Variants in HMGXB3 observed in about 807,000 individuals in gnomAD.
HMGXB3 encodes HMG-box containing 3.
In HMGXB3, 45 loss-of-function variants were observed where a neutral mutation model predicts 121.5. The ratio of observed to expected loss-of-function variants is 0.37; its 90% CI spans 0.29 to 0.47. The LOEUF (loss-of-function observed/expected upper bound fraction) is 0.47, where lower values mean the gene tolerates loss of function less well. Among genes scored for constraint, HMGXB3 ranks in the 20% least tolerant of loss-of-function variants. The pLI is 0.99. For synonymous variants in HMGXB3, 590 were observed against 624.1 expected, an observed-to-expected ratio of 0.95 and a Z score of 0.81; for missense variants, 1,376 against 1,602.2, an observed-to-expected ratio of 0.86 and a Z score of 2.41.
intron 10 of HMGXB3, 137 bp downstream of exon 10, chr5:150,030,976 G>A: frequency 1.6e-6 from 1 of 616,170 alleles, no homozygotes; most frequent in Non-Finnish European, 2.9e-6. Flanking sequence ...TGTTAATGAT[G>A]AAGATCCCAT....
At chr5:150,035,687 C>G (rs985216771) in intron 11 of HMGXB3, among the ~76,000 whole-genome samples, 1 of 152,002 alleles carries the variant, frequency 6.6e-6, no homozygotes, top group African/African-American at 2.4e-5. Context: ...TCAAGGGGTG[C>G]ACTCAGAGAA....
At chr5:150,028,495 ATATGTATGTATGTG>A (rs1389172257) in intron 9 of HMGXB3, among the ~76,000 whole-genome samples, 1 of 88,190 alleles carries the variant, frequency 1.1e-5, no homozygotes, top group African/African-American at 6.4e-5. Context: ...ATATGTATAT[ATATGTATGTATGTG>A]TGTGTGTGTG....
intron 3 of HMGXB3, among the ~76,000 whole-genome samples, chr5:150,007,049 A>G (rs1755720470): frequency 6.6e-6 from 1 of 152,236 alleles, no homozygotes; most frequent in Admixed American, 6.5e-5. Flanking sequence ...AACTGCTATC[A>G]GTTATAATCA....
intron 5 of HMGXB3, 96 bp from the exon 6 acceptor site, chr5:150,018,470 C>T: frequency 9.6e-7 from 1 of 1,045,844 alleles, no homozygotes; most frequent in Non-Finnish European, 1.3e-6. Context: ...GGTTATCTTT[C>T]CACAAGCTTG....
At chr5:150,047,905 G>T in intron 17 of HMGXB3, 148 bp downstream of exon 17, 1 of 823,110 alleles carries the variant, frequency 1.2e-6, no homozygotes, top group South Asian at 1.7e-5. Flanking sequence ...ATGGTCAACA[G>T]CTAGATGTGA....
At chr5:150,047,498 C>T in intron 16 of HMGXB3, 126 bp from the exon 17 acceptor site, 1 of 1,132,144 alleles carries the variant, frequency 8.8e-7, no homozygotes, top group Admixed American at 2.6e-5. Flanking sequence ...TGAGTTCCAC[C>T]TCTGCCAGCA....
intron 16 of HMGXB3, 31 bp downstream of exon 16, chr5:150,045,716 A>G: frequency 6.6e-7 from 1 of 1,511,692 alleles, no homozygotes; most frequent in Non-Finnish European, 9.0e-7. Flanking sequence ...ACTGGGGTCA[A>G]AAAAGGGCTC....
Position 150,052,364 on chromosome 5 carries a change from C to G in HMGXB3, c.*172C>G, listed in dbSNP as rs1756940482. ...TGAGCATGGTGGGACCCAGGGTCCT[C>G]AGTTCTCAACCCTCCAGGGGTCAGG... is the stretch of plus-strand genomic sequence containing the variant. On this transcript the variant is annotated 3_prime_UTR_variant, in exon 20 of 20. Transcript: ENST00000502717. 1.6e-6 allele frequency: 1 copy of G among 613,644 alleles called. No homozygotes were observed. The allele number at this position is 613,644 out of a possible 1,614,324, so 38.0% of individuals were successfully genotyped here. A position where few individuals can be genotyped will look rare whatever the true frequency, so the allele number is the denominator to read the frequency against.
chr5:150,032,235 T>C (rs1756397117), intron 10 of HMGXB3, among the ~76,000 whole-genome samples: 1 of 152,226 alleles, frequency 6.6e-6, no homozygotes, highest in African/African-American at 2.4e-5. Flanking sequence ...GTTTCACAGA[T>C]AGGGAAGGAC....
chr5:150,046,243 TC>T (rs1461838397), intron 16 of HMGXB3, among the ~76,000 whole-genome samples: 1 of 152,192 alleles, frequency 6.6e-6, no homozygotes, highest in Non-Finnish European at 1.5e-5. Flanking sequence ...GCTACCCACT[TC>T]CTAGATCACT....
At chr5:150,029,566 G>A (rs1756323883) in intron 9 of HMGXB3, among the ~76,000 whole-genome samples, 1 of 152,076 alleles carries the variant, frequency 6.6e-6, no homozygotes, top group African/African-American at 2.4e-5. Flanking sequence ...TAATGAAGCT[G>A]TGCCCTTACT....
intron 6 of HMGXB3, among the ~76,000 whole-genome samples, chr5:150,020,562 T>G (rs1286399930): frequency 2.6e-5 from 4 of 152,226 alleles, no homozygotes; most frequent in Admixed American, 1.3e-4. Context: ...TTTTCATTTC[T>G]TGTATGTGTG....
At chr5:150,036,259 A>G (rs553254228) in intron 11 of HMGXB3, among the ~76,000 whole-genome samples, 2 of 152,308 alleles carry the variant, frequency 1.3e-5, no homozygotes, top group South Asian at 2.1e-4. Context: ...GCTTGATACC[A>G]GAAGTGTTTT....
intron 8 of HMGXB3, 30 bp from the exon 9 acceptor site, chr5:150,026,990 A>T: frequency 6.5e-7 from 1 of 1,548,258 alleles, no homozygotes; most frequent in Non-Finnish European, 8.7e-7. Context: ...AATGCACTTA[A>T]GTCACCAGTT....
chr5:150,002,094 G>A (rs1755585682), intron 1 of HMGXB3, among the ~76,000 whole-genome samples: 1 of 152,196 alleles, frequency 6.6e-6, no homozygotes, highest in Non-Finnish European at 1.5e-5. Context: ...TGTTAGTTTA[G>A]TTTTTGTTTT....
Position 150,051,788 on chromosome 5 carries a change from T to C in HMGXB3, c.3475T>C (p.Ser1159Pro), listed in dbSNP as rs1423763635. 3.9e-6 allele frequency: 6 copies of C among 1,546,038 alleles called. No homozygotes were observed. Among genetic ancestry groups the C allele is most frequent in the Non-Finnish European group, 5.2e-6 (6 of 1,147,056 alleles). ...YTVDMTETEH[S>P]IQHPVTKTAT... ...TGTGGACATGACAGAAACTGAGCAC[T>C]CTATCCAGCACCCAGTCACCAAGAC... Residue 1159 changes from serine to proline, a missense_variant, in exon 20 of 20, where the codon TCT (serine) becomes CCT (proline). Transcript: ENST00000502717.
intron 14 of HMGXB3, 57 bp from the exon 15 acceptor site, chr5:150,041,728 C>G: frequency 1.5e-6 from 2 of 1,354,592 alleles, no homozygotes; most frequent in Non-Finnish European, 2.0e-6. Context: ...TGGCTCATCC[C>G]TAGTGGCTTC....
intron 16 of HMGXB3, among the ~76,000 whole-genome samples, chr5:150,046,292 G>A (rs991293445): frequency 1.3e-5 from 2 of 152,142 alleles, no homozygotes; most frequent in African/African-American, 4.8e-5. Flanking sequence ...AGTGATAGCC[G>A]CCTTTTTTAA....
At chr5:150,029,667 A>G (rs1324867348) in intron 9 of HMGXB3, among the ~76,000 whole-genome samples, 1 of 152,048 alleles carries the variant, frequency 6.6e-6, no homozygotes, top group Non-Finnish European at 1.5e-5. Flanking sequence ...TTGGATTGTG[A>G]CCTGTAGTTT....
Sources: gnomAD v4.1 joint callset for allele counts (sites outside exome capture counted in the v4.1 genomes callset) on GRCh38, gnomAD v4.1.1 for gene constraint, MANE v1.5 for transcripts, NCBI Gene and HGNC (gene_info 2026-07-23, HGNC 2026-07-21) for gene names.